RGS7: variants seen among roughly 807,000 people sequenced by gnomAD.
The protein encoded by RGS7 is regulator of G-protein signaling 7.
Under a neutral mutation model 81.1 loss-of-function variants are expected in RGS7, and 27 were observed. The observed-to-expected ratio is 0.33, with a 90% CI of 0.25 to 0.46. The LOEUF (loss-of-function observed/expected upper bound fraction) is 0.46, where lower values mean the gene tolerates loss of function less well. Ranked by LOEUF, RGS7 falls within the 20% of genes least tolerant of loss-of-function variation. The pLI is 1.00. For missense variants in RGS7, 396 were observed against 607.4 expected, an observed-to-expected ratio of 0.65 and a Z score of 3.66; for synonymous variants, 208 against 207.7, an observed-to-expected ratio of 1.00 and a Z score of -0.01.
chr1:241,066,840 G>T (rs1558667325), intron 3 of RGS7, among the ~76,000 whole-genome samples: 1 of 152,218 alleles, frequency 6.6e-6, no homozygotes, highest in Non-Finnish European at 1.5e-5. Context: ...CTCGCTATGT[G>T]AGGAAATAAG....
At chr1:241,239,447 TC>T (rs1411470298) in intron 2 of RGS7, among the ~76,000 whole-genome samples, 1 of 152,006 alleles carries the variant, frequency 6.6e-6, no homozygotes, top group Non-Finnish European at 1.5e-5. Context: ...TCTCATCATG[TC>T]CCCCCTTCAC....
intron 4 of RGS7, among the ~76,000 whole-genome samples, chr1:240,956,793 A>G (rs1680505861): frequency 6.6e-6 from 1 of 152,072 alleles, no homozygotes; most frequent in African/African-American, 2.4e-5. Flanking sequence ...CGTGATGACA[A>G]CAGCACTTTC....
intron 2 of RGS7, among the ~76,000 whole-genome samples, chr1:241,119,992 C>T (rs1245023131): frequency 2.0e-5 from 3 of 152,228 alleles, no homozygotes; most frequent in African/African-American, 7.2e-5. Flanking sequence ...CCATCTTCCA[C>T]ACTGTGGTCC....
In RGS7 at chr1:241,177,465, T is replaced by C. The variant is rs576738158; in HGVS notation, c.79-78703A>G. Among the ~76,000 whole-genome samples, 6 of 152,254 alleles carry C rather than the reference T, an allele frequency of 3.9e-5. 1 individual carries two copies. The South Asian group carries it at 1.2e-3, about 32-fold the overall frequency. On this transcript the variant is annotated intron_variant, in intron 2 of 18. Coordinates refer to ENST00000440928, the MANE Select transcript of RGS7 (RefSeq NM_001364886.1). ...AAAGGGGGCCCCACTGGCCAGATCA[T>C]CTAGGGCCGTATTTATAAATTTGGG...
rs747896899 is a variant in RGS7, at chr1:240,930,706, A to G, written c.385+11T>C. The G allele has an allele frequency of 8.1e-6, 13 of 1,612,478 alleles. No individual in the cohort carries two copies. In the African/African-American group the frequency reaches 1.7e-4, roughly 22 times the overall value. On this transcript the variant is annotated intron_variant, in intron 6 of 18. Coordinates refer to ENST00000440928, the MANE Select transcript of RGS7 (RefSeq NM_001364886.1). ...GCTGTCAATAATAAAATAATGAGAG[A>G]TGGCACTGACCATAATCTGTGTTTT...
At chr1:241,004,956 C>T (rs959842471) in intron 3 of RGS7, among the ~76,000 whole-genome samples, 9 of 152,186 alleles carry the variant, frequency 5.9e-5, no homozygotes, top group Non-Finnish European at 1.0e-4. Context: ...AAGTTTGCTT[C>T]TGAGGCTGCT....
At chr1:241,122,350 G>T (rs2066341439) in intron 2 of RGS7, among the ~76,000 whole-genome samples, 1 of 152,068 alleles carries the variant, frequency 6.6e-6, no homozygotes, top group African/African-American at 2.4e-5. Flanking sequence ...TGAAAATATT[G>T]TAAGTAAAAA....
intron 2 of RGS7, among the ~76,000 whole-genome samples, chr1:241,315,226 CT>C (rs2148578317): frequency 7.1e-6 from 1 of 141,374 alleles, no homozygotes; most frequent in East Asian, 2.3e-4. Context: ...AAAGATCAAC[CT>C]AAGAATGAAA....
intron 9 of RGS7, among the ~76,000 whole-genome samples, chr1:240,843,681 G>A (rs1348289431): frequency 2.0e-5 from 3 of 152,194 alleles, no homozygotes; most frequent in East Asian, 1.9e-4. Flanking sequence ...TAGCAGAGCT[G>A]AGGAGAAATC....
At chr1:240,999,297 C>T (rs1481988275) in intron 3 of RGS7, among the ~76,000 whole-genome samples, 3 of 151,454 alleles carry the variant, frequency 2.0e-5, no homozygotes, top group Non-Finnish European at 4.4e-5. Context: ...TCTTTTTTGG[C>T]TTCCCTGGCC....
rs868322377 is a variant in RGS7, at chr1:240,937,047, C to T, written c.227-341G>A. 8.5e-5 allele frequency among the ~76,000 whole-genome samples: 13 copies of T among 152,242 alleles called. No homozygotes were observed. In the South Asian group the frequency reaches 1.2e-3, roughly 15 times the overall value. ...CCAAAACTACACTTCCTGCCTTTGC[C>T]GTGCCCTGACATGCCCAAACATGCC... On this transcript the variant is annotated intron_variant, in intron 4 of 18. Coordinates refer to ENST00000440928, the MANE Select transcript of RGS7 (RefSeq NM_001364886.1).
At chr1:241,327,938 T>A (rs1573701164) in intron 2 of RGS7, among the ~76,000 whole-genome samples, 1 of 152,174 alleles carries the variant, frequency 6.6e-6, no homozygotes, top group Admixed American at 6.5e-5. Flanking sequence ...TAAAATAAAG[T>A]AACCATATTT....
At chr1:241,181,921 A>G (rs2071650376) in intron 2 of RGS7, among the ~76,000 whole-genome samples, 1 of 152,088 alleles carries the variant, frequency 6.6e-6, no homozygotes, top group Admixed American at 6.5e-5. Context: ...GGCTAGTCTC[A>G]AATTCCTGGC....
intron 4 of RGS7, among the ~76,000 whole-genome samples, chr1:240,965,696 G>T (rs534765305): frequency 4.9e-4 from 74 of 152,234 alleles, no homozygotes; most frequent in African/African-American, 1.7e-3. Flanking sequence ...GGGCTGGGTG[G>T]GACAGCAGGG....
chr1:240,806,053 G>T, intron 15 of RGS7, 87 bp downstream of exon 15: 2 of 1,138,652 alleles, frequency 1.8e-6, no homozygotes, highest in Non-Finnish European at 2.7e-6. Flanking sequence ...AGAAATAGCT[G>T]CCATTTAGAA....
chr1:241,096,599 A>T (rs1424756516), intron 3 of RGS7, among the ~76,000 whole-genome samples: 1 of 152,218 alleles, frequency 6.6e-6, no homozygotes, highest in Non-Finnish European at 1.5e-5. Context: ...AGTGAACATT[A>T]AAACAATTAT....
At chr1:241,084,865 C>T (rs1047827355) in intron 3 of RGS7, among the ~76,000 whole-genome samples, 3 of 152,372 alleles carry the variant, frequency 2.0e-5, no homozygotes, top group Non-Finnish European at 2.9e-5. Flanking sequence ...TGACCATTTT[C>T]TTCCCTATTA....
intron 3 of RGS7, among the ~76,000 whole-genome samples, chr1:241,076,703 C>T (rs1045928821): frequency 2.0e-5 from 3 of 152,064 alleles, no homozygotes; most frequent in African/African-American, 4.8e-5. Context: ...GTATTTTGTC[C>T]GTGATCACCG....
At chr1:240,934,980 C>G (rs1676373530) in intron 5 of RGS7, among the ~76,000 whole-genome samples, 1 of 150,534 alleles carries the variant, frequency 6.6e-6, no homozygotes, top group East Asian at 2.0e-4. Context: ...CCTCCATCTC[C>G]CAGGTTCAAG....
Sources: allele counts gnomAD v4.1 joint callset (sites outside exome capture counted in the v4.1 genomes callset), GRCh38; gene constraint gnomAD v4.1.1; transcripts MANE v1.5; gene names NCBI Gene and HGNC (gene_info 2026-07-23, HGNC 2026-07-21).